CENPP: variants seen among roughly 807,000 people sequenced by gnomAD.
The protein encoded by CENPP is centromere protein P.
In CENPP, 24 loss-of-function variants were observed where a neutral mutation model predicts 35.6. The ratio of observed to expected loss-of-function variants is 0.67; its 90% confidence interval spans 0.49 to 0.95. The LOEUF (loss-of-function observed/expected upper bound fraction) is 0.95, where lower values mean the gene tolerates loss of function less well. CENPP is among the 40% of genes least tolerant of loss of function. The pLI, the probability that CENPP is intolerant of heterozygous loss-of-function variation, is 0.00. For synonymous variants in CENPP, 120 were observed against 125.5 expected, an observed-to-expected ratio of 0.96 and a Z score of 0.29; for missense variants, 332 against 345.3, an observed-to-expected ratio of 0.96 and a Z score of 0.31.
intron 5 of CENPP, among the ~76,000 whole-genome samples, chr9:92,402,151 A>T (rs1217330480): frequency 6.6e-6 from 1 of 152,214 alleles, no homozygotes; most frequent in Non-Finnish European, 1.5e-5. Flanking sequence ...GATTCAAATC[A>T]TCCAAGTGAG....
At chr9:92,391,371 C>G (rs1842677353) in intron 5 of CENPP, among the ~76,000 whole-genome samples, 1 of 152,124 alleles carries the variant, frequency 6.6e-6, no homozygotes, top group Non-Finnish European at 1.5e-5. Flanking sequence ...GGTGCCACTG[C>G]ACTCCAGCCT....
At chr9:92,557,786 G>T (rs1849758886) in intron 5 of CENPP, among the ~76,000 whole-genome samples, 1 of 152,080 alleles carries the variant, frequency 6.6e-6, no homozygotes, top group South Asian at 2.1e-4. Flanking sequence ...GGGACTACAA[G>T]TATGCACCAC....
At chr9:92,512,181 C>G in intron 5 of CENPP, 3 of 1,160,464 alleles carry the variant, frequency 2.6e-6, no homozygotes, top group Non-Finnish European at 3.9e-6. Flanking sequence ...TACATGTACA[C>G]ACATGTATGG....
chr9:92,549,693 G>T (rs989462768), intron 5 of CENPP, among the ~76,000 whole-genome samples: 3 of 151,506 alleles, frequency 2.0e-5, no homozygotes, highest in African/African-American at 7.3e-5. Context: ...ATTCTATTGA[G>T]AATTTTGCCA....
rs1850709703 is a variant in CENPP at position 92,593,474 on chromosome 9, C to T, written c.565-17840C>T. 6.6e-6 allele frequency among the ~76,000 whole-genome samples: 1 copy of T among 152,214 alleles called. No homozygotes were observed. Among genetic ancestry groups the T allele is most frequent in the South Asian group, 2.1e-4 (1 of 4,830 alleles). On this transcript the variant is annotated intron_variant, in intron 5 of 7. Coordinates refer to ENST00000375587, the MANE Select transcript of CENPP (RefSeq NM_001012267.3). This position sits in a 1 kb window ranked among gnomAD's most constrained non-coding sequence, Gnocchi z 4.1. Reference sequence around the variant, plus strand: ...GCAAAGGATTTTCTTTCCTTCTGCCCTCATTTCCCCTAATTCAAGAGCTAT... The same window carrying T: ...GCAAAGGATTTTCTTTCCTTCTGCCTTCATTTCCCCTAATTCAAGAGCTAT...
chr9:92,534,203 C>G (rs969745409), intron 5 of CENPP, among the ~76,000 whole-genome samples: 4 of 152,118 alleles, frequency 2.6e-5, no homozygotes, highest in Admixed American at 2.6e-4. Context: ...TTTTTATTTC[C>G]TAGTGTAGCT....
At chr9:92,559,445 G>A (rs993721682) in intron 5 of CENPP, among the ~76,000 whole-genome samples, 8 of 152,144 alleles carry the variant, frequency 5.3e-5, no homozygotes, top group South Asian at 2.1e-4. Context: ...TCCCACTTCC[G>A]CAATTGGGGC....
At chr9:92,604,443 G>A (rs1219448597) in intron 5 of CENPP, among the ~76,000 whole-genome samples, 1 of 152,006 alleles carries the variant, frequency 6.6e-6, no homozygotes, top group African/African-American at 2.4e-5. Context: ...ACAAGTTTTT[G>A]CCAATATTTT....
intron 4 of CENPP, among the ~76,000 whole-genome samples, chr9:92,348,393 C>CT (rs201975799): frequency 0.023 from 3,300 of 141,264 alleles, 135 homozygotes; most frequent in African/African-American, 0.077. Flanking sequence ...CTTCCTATAA[C>CT]TTTTTTTTTT....
intron 3 of CENPP, 35 bp from the exon 4 acceptor site, chr9:92,345,664 G>C (rs982274736): frequency 8.3e-7 from 1 of 1,197,696 alleles, no homozygotes; most frequent in Admixed American, 1.9e-5. Context: ...GAAGTTTACT[G>C]TGCTTTGATA....
At chr9:92,426,272 G>A (rs1843964180) in intron 5 of CENPP, among the ~76,000 whole-genome samples, 2 of 152,160 alleles carry the variant, frequency 1.3e-5, no homozygotes, top group South Asian at 4.1e-4. Context: ...GTTGAAAAGT[G>A]TAAATTATAT....
intron 5 of CENPP, among the ~76,000 whole-genome samples, chr9:92,395,283 G>C (rs1842849429): frequency 2.0e-5 from 3 of 152,108 alleles, no homozygotes; most frequent in Non-Finnish European, 4.4e-5. Flanking sequence ...TATATTAAAA[G>C]AATCATGGAG....
At chr9:92,584,016 T>C (rs1190646613) in intron 5 of CENPP, among the ~76,000 whole-genome samples, 1 of 152,220 alleles carries the variant, frequency 6.6e-6, no homozygotes, top group Non-Finnish European at 1.5e-5. Context: ...GCAAGCATTG[T>C]GCTGTCTGTC....
rs188372049 is a variant in CENPP at position 92,516,072 on chromosome 9, T to C, written c.565-95242T>C. Reference sequence around the variant, plus strand: ...TGATTTCACAGTGCATACTTTTTTTTCCCCCCCCCGAGACGGAGTCTTGCT... The same window carrying C: ...TGATTTCACAGTGCATACTTTTTTTCCCCCCCCCCGAGACGGAGTCTTGCT... On this transcript the variant is annotated intron_variant, in intron 5 of 7. Coordinates refer to ENST00000375587, the MANE Select transcript of CENPP (RefSeq NM_001012267.3). 4.9e-3 allele frequency among the ~76,000 whole-genome samples: 679 copies of C among 139,794 alleles called. 20 individuals carry two copies. The highest frequency in any genetic ancestry group is 0.044 in the South Asian group (178 of 4,056). 91.7% of individuals were successfully genotyped at this position (139,794 alleles called of 152,430 possible). A position where few individuals can be genotyped will look rare whatever the true frequency, so the allele number is the denominator to read the frequency against.
intron 4 of CENPP, among the ~76,000 whole-genome samples, chr9:92,348,754 G>A (rs1564272063): frequency 6.6e-6 from 1 of 152,132 alleles, no homozygotes; most frequent in Non-Finnish European, 1.5e-5. Flanking sequence ...TGTTTCTCTG[G>A]AAAGGTCTTA....
rs117209962 is a variant in CENPP, at chr9:92,446,243, C to A, written c.564+66384C>A. The stretch of plus-strand genomic sequence containing the variant: ...GACCCTCTATAATTTCATTCTTTTT[C>A]TATATTTGGGTTCATTTTAAAGCAG... On this transcript the variant is annotated intron_variant, in intron 5 of 7. Coordinates refer to ENST00000375587, the MANE Select transcript of CENPP (RefSeq NM_001012267.3). 1.2e-3 allele frequency among the ~76,000 whole-genome samples: 175 copies of A among 152,154 alleles called. 3 individuals carry two copies. The East Asian group carries it at 0.032, about 28-fold the overall frequency.
intron 5 of CENPP, among the ~76,000 whole-genome samples, chr9:92,410,694 A>T (rs758879347): frequency 6.6e-6 from 1 of 152,194 alleles, no homozygotes; most frequent in South Asian, 2.1e-4. Flanking sequence ...GTGCCAGGAA[A>T]AACAGTGTGA....
chr9:92,387,465 G>A (rs1305946507), intron 5 of CENPP, among the ~76,000 whole-genome samples: 9 of 151,808 alleles, frequency 5.9e-5, no homozygotes, highest in Admixed American at 5.9e-4. Flanking sequence ...TTTCCCTAAG[G>A]GCTTAATGTT....
At chr9:92,351,339 G>T (rs1564273302) in intron 4 of CENPP, among the ~76,000 whole-genome samples, 1 of 152,002 alleles carries the variant, frequency 6.6e-6, no homozygotes, top group African/African-American at 2.4e-5. Context: ...AACTAGCTGG[G>T]CATGGTGGCA....
Sources: gnomAD v4.1 joint callset for allele counts (sites outside exome capture counted in the v4.1 genomes callset) on GRCh38, gnomAD v4.1.1 for gene constraint, Gnocchi (gnomAD v3.1) non-coding constraint, MANE v1.5 for transcripts, NCBI Gene and HGNC (gene_info 2026-07-23, HGNC 2026-07-21) for gene names.